The following INO80 variants were observed in gnomAD, a reference collection of about 807,000 sequenced individuals.
INO80 encodes the protein INO80 complex ATPase subunit.
INO80 carries 20 observed loss-of-function variants against 203.4 expected under a neutral mutation model. That is an observed-to-expected ratio of 0.10 (90% confidence interval 0.07 to 0.14). The LOEUF is 0.14. Among genes scored for constraint, INO80 ranks in the 10% least tolerant of loss-of-function variants. The pLI is 1.00. For synonymous variants in INO80, 726 were observed against 685.2 expected, an observed-to-expected ratio of 1.06 and a Z score of -0.93; for missense variants, 1,419 against 1,914.4, an observed-to-expected ratio of 0.74 and a Z score of 4.83.
chr15:41,110,002 G>A (rs1400111980), intron 1 of INO80, among the ~76,000 whole-genome samples: 2 of 151,312 alleles, frequency 1.3e-5, no homozygotes, highest in African/African-American at 4.9e-5. Flanking sequence ...GGCTGAGGCA[G>A]GAGAATTGCT....
intron 4 of INO80, among the ~76,000 whole-genome samples, chr15:41,093,185 G>A (rs1021848239): frequency 6.6e-6 from 1 of 152,136 alleles, no homozygotes; most frequent in Non-Finnish European, 1.5e-5. Context: ...CCAGCACTTC[G>A]GGAGGCTGAG....
At chr15:41,052,797 G>A (rs991303397) in intron 19 of INO80, among the ~76,000 whole-genome samples, 13 of 150,752 alleles carry the variant, frequency 8.6e-5, no homozygotes, top group African/African-American at 2.9e-4. Flanking sequence ...GGCCCAGGCG[G>A]GTGAATCCTT....
chr15:40,983,930 G>T lies in INO80; in HGVS notation c.4078-9C>A. Reference sequence around the variant, plus strand: ...TCACTGCTGATGGAGATCTAGAAGAGGAAGGGTTAAGATCATTACGACCCC... The same window carrying T: ...TCACTGCTGATGGAGATCTAGAAGATGAAGGGTTAAGATCATTACGACCCC... On this transcript the variant is annotated splice_polypyrimidine_tract_variant and intron_variant, in intron 33 of 35. Transcript: ENST00000648947. The T allele has an allele frequency of 6.2e-7, 1 of 1,613,188 alleles. No homozygotes were observed. Among genetic ancestry groups the T allele is most frequent in the Non-Finnish European group, 8.5e-7 (1 of 1,179,768 alleles).
At chr15:40,988,501 G>A (rs2043771525) in intron 29 of INO80, among the ~76,000 whole-genome samples, 1 of 152,216 alleles carries the variant, frequency 6.6e-6, no homozygotes, top group Non-Finnish European at 1.5e-5. Context: ...TGGGAGGATT[G>A]CTTGAGCCTG....
At chr15:41,090,099 T>C (rs1316234869) in intron 5 of INO80, among the ~76,000 whole-genome samples, 1 of 152,222 alleles carries the variant, frequency 6.6e-6, no homozygotes, top group East Asian at 1.9e-4. Context: ...AACTGGACAA[T>C]GCATATATAA....
intron 27 of INO80, among the ~76,000 whole-genome samples, chr15:41,006,693 G>T (rs940594532): frequency 1.3e-5 from 2 of 152,210 alleles, no homozygotes; most frequent in African/African-American, 4.8e-5. Context: ...TGAGTGCCAA[G>T]AACTTGGCAG....
chr15:41,059,961 T>C (rs763149650), intron 14 of INO80, 35 bp from the exon 15 acceptor site: 3 of 1,318,060 alleles, frequency 2.3e-6, no homozygotes, highest in Middle Eastern at 1.8e-4. Flanking sequence ...TTACTTTCTA[T>C]AGATGATCTT....
In INO80 at chr15:41,087,608, T is replaced by C. The variant is rs768157072; in HGVS notation, c.612A>G (p.Leu204=). ...TAAATTTCTTTTTCTTGGGTCCAAG[T>C]AGGTGCCGTTGTTGCTCATAGAAAG... is the stretch of plus-strand genomic sequence containing the variant. ...YDPFYEQQRH[L]LGPKKKKFKE... is the part of the protein sequence containing the mutation. The change falls in exon 6 of 36, where the codon CTA becomes CTG. Residue 204 remains leucine (L), a synonymous_variant. Transcript: ENST00000648947. 2 of 1,613,996 alleles carry C rather than the reference T, an allele frequency of 1.2e-6. No homozygotes were observed. The highest frequency in any genetic ancestry group is 1.7e-6 in the Non-Finnish European group (2 of 1,179,980).
intron 9 of INO80, among the ~76,000 whole-genome samples, chr15:41,077,624 G>C (rs2140617493): frequency 6.6e-6 from 1 of 150,788 alleles, no homozygotes; most frequent in East Asian, 2.0e-4. Flanking sequence ...GCAGTAACAA[G>C]AACACAGCTC....
In INO80 at chr15:41,031,912, CCACAGCACAG is replaced by C. The variant is rs1240339775; in HGVS notation, c.2908-4186_2908-4177del. ...AGGCTCCATAGCTGCATACTCCTTGCCACAGCACAGCACAGCACAGCACAGCACAGCACAG... is the reference window on the plus strand; with the variant it reads ...AGGCTCCATAGCTGCATACTCCTTGCCACAGCACAGCACAGCACAGCACAG... On this transcript the variant is annotated intron_variant, in intron 24 of 35. Transcript: ENST00000648947. 9.2e-3 allele frequency among the ~76,000 whole-genome samples: 1,175 copies of C among 128,408 alleles called. 49 individuals are homozygous for C. The highest frequency in any genetic ancestry group is 0.032 in the African/African-American group (910 of 28,154). 84.2% of individuals were successfully genotyped at this position (128,408 alleles called of 152,430 possible).
rs540787986 is a variant in INO80 at position 41,112,944 on chromosome 15, C to T, written c.-44+3029G>A. ...TGTTGTTGTTGTTGTTGAGCCAGCT[C>T]GGGCTCTGTCGCCCAGGCTGGAGTG... On this transcript the variant is annotated intron_variant, in intron 1 of 35. Coordinates refer to ENST00000648947, the MANE Select transcript of INO80 (RefSeq NM_017553.3). Among the ~76,000 whole-genome samples, 24 of 151,886 alleles carry T rather than the reference C, an allele frequency of 1.6e-4. No individual in the cohort carries two copies. The East Asian group carries it at 3.9e-3, about 25-fold the overall frequency.
intron 24 of INO80, among the ~76,000 whole-genome samples, chr15:41,035,353 T>C (rs560731439): frequency 5.4e-4 from 82 of 152,066 alleles, no homozygotes; most frequent in Non-Finnish European, 9.6e-4. Flanking sequence ...GGCAGGGGAA[T>C]CCCTTGAGGC....
At chr15:40,985,220 C>T (rs1227654085) in intron 32 of INO80, 118 bp downstream of exon 32, 2 of 721,892 alleles carry the variant, frequency 2.8e-6, no homozygotes, top group Non-Finnish European at 5.0e-6. Context: ...GCTGATCATA[C>T]ACAGCTGGAG....
intron 27 of INO80, among the ~76,000 whole-genome samples, chr15:41,010,770 C>G (rs569457996): frequency 3.4e-4 from 52 of 152,200 alleles, no homozygotes; most frequent in Non-Finnish European, 7.2e-4. Context: ...TCTGAAACTT[C>G]TATTCCAAAG....
rs974710296 is a variant in INO80, at chr15:41,056,603, G to A, written c.2070+19C>T. 6.3e-7 allele frequency: 1 copy of A among 1,577,004 alleles called. No homozygotes were observed. The highest frequency in any genetic ancestry group is 1.7e-5 in the Admixed American group (1 of 59,814). On this transcript the variant is annotated intron_variant, in intron 17 of 35. Transcript: ENST00000648947. ...CTGTTTTATGAAGATATAAACCTGT[G>A]ACCTGGACTAGTGCCTACCTCTGCC... is the stretch of plus-strand genomic sequence containing the variant.
At chr15:41,011,324 G>A (rs2044130611) in intron 27 of INO80, among the ~76,000 whole-genome samples, 1 of 152,146 alleles carries the variant, frequency 6.6e-6, no homozygotes, top group Non-Finnish European at 1.5e-5. Flanking sequence ...GCTTCATTTT[G>A]ACATTAGTAT....
chr15:41,050,082 G>C lies in INO80; in HGVS notation c.2295C>G (p.Cys765Trp). 1 of 1,610,982 alleles carries C rather than the reference G, an allele frequency of 6.2e-7. No individual in the cohort carries two copies. Among genetic ancestry groups the C allele is most frequent in the Non-Finnish European group, 8.5e-7 (1 of 1,178,054 alleles). The change falls in exon 20 of 36, where the codon TGC becomes TGG. Residue 765 changes from cysteine to tryptophan, a missense_variant. Physicochemically the swap from Cys to Trp is radical, Grantham distance 215 (BLOSUM62 -2). Around this residue, in one of 9 missense-constraint regions of INO80, gnomAD observed 192 missense variants for 406.7 expected, o/e 0.47. Transcript: ENST00000648947. ...LSDKIEILMY[C>W]QLTSRQKLLY... ...GCAGCTTCTGTCGGCTGGTCAGTTG[G>C]CAATACATTAGAATCTCAATCTAAA... is the stretch of plus-strand genomic sequence containing the variant.
At chr15:41,072,987 G>C in intron 11 of INO80, among the ~76,000 whole-genome samples, 1 of 151,864 alleles carries the variant, frequency 6.6e-6, no homozygotes, top group Non-Finnish European at 1.5e-5. Flanking sequence ...CACCGTGTTA[G>C]CCTGGATGGT....
intron 32 of INO80, 130 bp from the exon 33 acceptor site, chr15:40,984,482 CG>C: frequency 2.4e-6 from 2 of 829,354 alleles, no homozygotes; most frequent in Non-Finnish European, 3.7e-6. Context: ...CATATTTTTA[CG>C]GAAGAAAAAC....
Sources: gnomAD v4.1 joint callset for allele counts (sites outside exome capture counted in the v4.1 genomes callset) on GRCh38, gnomAD v4.1.1 for gene constraint, gnomAD v4.1.1 regional missense constraint, MANE v1.5 for transcripts, NCBI Gene and HGNC (gene_info 2026-07-23, HGNC 2026-07-21) for gene names.